The following LOXHD1 variants were observed in gnomAD, a reference collection of about 807,000 sequenced individuals.
LOXHD1 encodes the protein lipoxygenase homology domain-containing protein 1.
Under a neutral mutation model 248.2 loss-of-function variants are expected in LOXHD1, and 205 were observed. That is an observed-to-expected ratio of 0.83 (90% CI 0.74 to 0.93). The LOEUF is 0.93. Among genes scored for constraint, LOXHD1 ranks in the 40% least tolerant of loss-of-function variants. The probability of loss-of-function intolerance (pLI) is 0.00; values close to 1 mark genes in which losing one functional copy is unlikely to be tolerated. For missense variants in LOXHD1, 2,930 were observed against 2,971.6 expected (o/e 0.99, Z 0.33); for synonymous variants, 1,113 against 1,162.8 (o/e 0.96, Z 0.87).
chr18:46,499,297 T>G (rs2034076315), intron 37 of LOXHD1, among the ~76,000 whole-genome samples: 1 of 152,162 alleles, frequency 6.6e-6, no homozygotes, highest in Non-Finnish European at 1.5e-5. Context: ...ATCTGGATTT[T>G]GAAGGATGCA....
Position 46,592,291 on chromosome 18 carries a change from C to T in LOXHD1, c.1518+207G>A, listed in dbSNP as rs1026568089. ...GGGCAGAATGCAAGCCCCCCAAACACCTGAGCGTTTTCTTAATCTACTTCG... is the reference window on the plus strand; with the variant it reads ...GGGCAGAATGCAAGCCCCCCAAACATCTGAGCGTTTTCTTAATCTACTTCG... On this transcript the variant is annotated intron_variant, in intron 11 of 40. Transcript: ENST00000642948. Among the ~76,000 whole-genome samples, 3 of 152,074 alleles carry T rather than the reference C, an allele frequency of 2.0e-5. No individual in the cohort carries two copies. The South Asian group carries it at 6.2e-4, about 32-fold the overall frequency.
intron 34 of LOXHD1, among the ~76,000 whole-genome samples, chr18:46,510,757 A>G (rs1157877658): frequency 6.6e-6 from 1 of 152,232 alleles, no homozygotes; most frequent in East Asian, 1.9e-4. Flanking sequence ...GGTGGTGGTG[A>G]AACAGAGACA....
chr18:46,646,196 G>T (rs1315001248), intron 2 of LOXHD1, among the ~76,000 whole-genome samples: 1 of 152,176 alleles, frequency 6.6e-6, no homozygotes, highest in African/African-American at 2.4e-5. Context: ...CAGACAGTGA[G>T]GTGCGAGGAG....
At chr18:46,497,071 C>G (rs1249950635) in intron 37 of LOXHD1, among the ~76,000 whole-genome samples, 2 of 152,182 alleles carry the variant, frequency 1.3e-5, no homozygotes, top group African/African-American at 4.8e-5. Context: ...TGAAGACCTA[C>G]CAGTGATATT....
chr18:46,649,324 G>A, intron 1 of LOXHD1, 55 bp from the exon 2 acceptor site: 2 of 1,433,424 alleles, frequency 1.4e-6, no homozygotes, highest in Non-Finnish European at 9.6e-7. Context: ...CCGGAATCCT[G>A]TGTGGGCCTG....
intron 12 of LOXHD1, 45 bp from the exon 13 acceptor site, chr18:46,579,829 T>A: frequency 6.5e-7 from 1 of 1,529,112 alleles, no homozygotes; most frequent in Non-Finnish European, 8.8e-7. Flanking sequence ...GCCCCCTGCT[T>A]CCCATCCCTA....
chr18:46,592,197 C>T, intron 11 of LOXHD1, 129 bp from the exon 12 acceptor site: 2 of 1,268,332 alleles, frequency 1.6e-6, no homozygotes, highest in South Asian at 1.4e-5. Flanking sequence ...TTATGGCAGG[C>T]AGAGGGCCGG....
chr18:46,497,893 G>T (rs1350359025), intron 37 of LOXHD1, among the ~76,000 whole-genome samples: 5 of 152,218 alleles, frequency 3.3e-5, no homozygotes, highest in Non-Finnish European at 7.3e-5. Flanking sequence ...CAGACAGGCA[G>T]ATATAATCAT....
chr18:46,494,587 A>G lies in LOXHD1; in HGVS notation c.5879-5445T>C, dbSNP rs2143710499. Among the ~76,000 whole-genome samples, 5 of 152,290 alleles carry G rather than the reference A, an allele frequency of 3.3e-5. 1 individual carries two copies. In the Middle Eastern group the frequency reaches 0.014, roughly 414 times the overall value. ...CCACAAACACTTTTTCACATATGTT[A>G]TCTAAGAGGCCACCCAGAGCAACAC... On this transcript the variant is annotated intron_variant, in intron 37 of 40. Transcript: ENST00000642948.
intron 4 of LOXHD1, among the ~76,000 whole-genome samples, chr18:46,624,348 G>C (rs988040650): frequency 2.2e-4 from 34 of 152,182 alleles, no homozygotes; most frequent in Admixed American, 1.0e-3. Flanking sequence ...GGGAGATGAG[G>C]GGGAATGTTC....
chr18:46,523,295 T>C (rs1245398113), intron 31 of LOXHD1, among the ~76,000 whole-genome samples: 2 of 152,166 alleles, frequency 1.3e-5, no homozygotes, highest in Non-Finnish European at 2.9e-5. Context: ...AGTACTCTTT[T>C]TTTCCTTACC....
At chr18:46,605,177 C>A (rs551037430) in intron 6 of LOXHD1, among the ~76,000 whole-genome samples, 3 of 152,162 alleles carry the variant, frequency 2.0e-5, no homozygotes, top group Non-Finnish European at 4.4e-5. Context: ...TCAAAGTGCA[C>A]AACCCTCTGC....
At chr18:46,482,062 CT>C (rs2143505172) in intron 40 of LOXHD1, among the ~76,000 whole-genome samples, 1 of 152,328 alleles carries the variant, frequency 6.6e-6, no homozygotes, top group Non-Finnish European at 1.5e-5. Flanking sequence ...GAGTCATTCA[CT>C]TTTCTGGGAT....
chr18:46,637,787 C>G (rs796217212), intron 4 of LOXHD1, among the ~76,000 whole-genome samples: 23 of 152,192 alleles, frequency 1.5e-4, no homozygotes, highest in African/African-American at 5.3e-4. Flanking sequence ...ACATGGGCAC[C>G]CTTACACAGC....
chr18:46,604,074 C>A (rs2038377563), intron 7 of LOXHD1, 32 bp downstream of exon 7: 1 of 1,551,408 alleles, frequency 6.4e-7, no homozygotes, highest in African/African-American at 1.4e-5. Context: ...AAGTGAAATA[C>A]CCAAAAGAGC....
chr18:46,620,897 T>C (rs1248919610), intron 4 of LOXHD1, among the ~76,000 whole-genome samples: 1 of 152,106 alleles, frequency 6.6e-6, no homozygotes, highest in Non-Finnish European at 1.5e-5. Flanking sequence ...CACGGGACTT[T>C]GGGAACACAC....
At chr18:46,639,494 C>G in intron 4 of LOXHD1, 122 bp downstream of exon 4, 1 of 1,211,450 alleles carries the variant, frequency 8.3e-7, no homozygotes, top group Non-Finnish European at 1.1e-6. Flanking sequence ...AACAGGAAGG[C>G]CCTGGAGGCA....
At chr18:46,632,839 C>T (rs2144361024) in intron 4 of LOXHD1, among the ~76,000 whole-genome samples, 1 of 152,280 alleles carries the variant, frequency 6.6e-6, no homozygotes, top group Non-Finnish European at 1.5e-5. Flanking sequence ...ACTCCCTGTG[C>T]CGGCTCTGTG....
In LOXHD1 at chr18:46,483,716, C is replaced by T; in HGVS notation, c.6212G>A (p.Ser2071Asn). 6.4e-7 allele frequency: 1 copy of T among 1,551,596 alleles called. No individual in the cohort carries two copies. The highest frequency in any genetic ancestry group is 8.7e-7 in the Non-Finnish European group (1 of 1,146,936). The change falls in exon 40 of 41, where the codon AGC becomes AAC. Residue 2071 changes from serine to asparagine, a missense_variant. By Grantham distance (46) the Ser-to-Asn change is conservative. Transcript: ENST00000642948. ...KGTTDTFEFDSIYLGDIASLC... is the reference protein window; with the variant it reads ...KGTTDTFEFDNIYLGDIASLC... ...GGAGGCAATGTCCCCCAAGTAGATG[C>T]TGTCAAACTCAAACGTGTCTGTGGT...
Sources: gnomAD v4.1 joint callset for allele counts (sites outside exome capture counted in the v4.1 genomes callset) on GRCh38, gnomAD v4.1.1 for gene constraint, MANE v1.5 for transcripts, NCBI Gene and HGNC (gene_info 2026-07-23, HGNC 2026-07-21) for gene names.